The following CNBD1 variants were observed in gnomAD, a reference collection of about 807,000 sequenced individuals.
CNBD1 encodes cyclic nucleotide binding domain containing 1.
CNBD1 carries 71 observed loss-of-function variants against 54.4 expected under a neutral mutation model. The ratio of observed to expected loss-of-function variants is 1.30; its 90% CI spans 1.08 to 1.59. The LOEUF (loss-of-function observed/expected upper bound fraction) is 1.59, where lower values mean the gene tolerates loss of function less well. CNBD1 is among the 40% of genes most tolerant of loss of function. The probability of loss-of-function intolerance (pLI) is 0.00; values close to 1 mark genes in which losing one functional copy is unlikely to be tolerated. For missense variants in CNBD1, 659 were observed against 518.0 expected (o/e 1.27, Z -2.64); for synonymous variants, 182 against 170.7 (o/e 1.07, Z -0.51).
chr8:87,405,314 T>A (rs920772831), intron 2 of CNBD1, among the ~76,000 whole-genome samples: 2 of 152,092 alleles, frequency 1.3e-5, no homozygotes, highest in African/African-American at 4.8e-5. Flanking sequence ...TATTTCACCT[T>A]GTGGATTAGA....
At chr8:87,256,010 T>C (rs1808012212) in intron 6 of CNBD1, among the ~76,000 whole-genome samples, 2 of 20,826 alleles carry the variant, frequency 9.6e-5, no homozygotes, top group Non-Finnish European at 1.5e-4. Flanking sequence ...TATATATATA[T>C]ATATATTTTT....
chr8:86,956,263 A>C (rs1302740403), intron 4 of CNBD1, among the ~76,000 whole-genome samples: 1 of 151,980 alleles, frequency 6.6e-6, no homozygotes. Context: ...GTCAGGTAGC[A>C]TGATGCCTCC....
At chr8:87,358,805 G>T (rs573872393) in intron 10 of CNBD1, among the ~76,000 whole-genome samples, 1 of 152,262 alleles carries the variant, frequency 6.6e-6, no homozygotes, top group East Asian at 1.9e-4. Context: ...GGAGGCAGTT[G>T]TATTAAGTCC....
chr8:87,219,851 C>T (rs1194272061), intron 5 of CNBD1, among the ~76,000 whole-genome samples: 1 of 151,734 alleles, frequency 6.6e-6, no homozygotes, highest in Non-Finnish European at 1.5e-5. Context: ...TTTTGGGTAC[C>T]CTTCACATAC....
chr8:87,141,940 T>C (rs1351971028), intron 4 of CNBD1, among the ~76,000 whole-genome samples: 1 of 152,158 alleles, frequency 6.6e-6, no homozygotes, highest in African/African-American at 2.4e-5. Context: ...TTCTTTAAAA[T>C]TGGGTAGACT....
chr8:86,923,098 G>A (rs1482519353), intron 3 of CNBD1, among the ~76,000 whole-genome samples: 2 of 152,130 alleles, frequency 1.3e-5, no homozygotes, highest in Admixed American at 1.3e-4. Context: ...CACAAATAAG[G>A]TAACAAAGGA....
chr8:87,404,143 C>T (rs1440605162), intron 2 of CNBD1, among the ~76,000 whole-genome samples: 1 of 151,990 alleles, frequency 6.6e-6, no homozygotes, highest in South Asian at 2.1e-4. Context: ...AGGGGAGAAA[C>T]TCAGATGGAA....
chr8:87,294,252 G>A (rs914014948), intron 8 of CNBD1, among the ~76,000 whole-genome samples: 6 of 152,080 alleles, frequency 3.9e-5, no homozygotes, highest in Non-Finnish European at 7.4e-5. Flanking sequence ...TCATTATTTG[G>A]GAGTATTGTA....
chr8:87,077,274 G>A (rs1810891067), intron 4 of CNBD1, among the ~76,000 whole-genome samples: 1 of 152,102 alleles, frequency 6.6e-6, no homozygotes, highest in South Asian at 2.1e-4. Context: ...GAGATTTAAA[G>A]TCCTAGGTCG....
chr8:87,127,545 A>AT (rs200398190), intron 4 of CNBD1, among the ~76,000 whole-genome samples: 2,525 of 152,066 alleles, frequency 0.017, 70 homozygotes, highest in African/African-American at 0.058. Context: ...ATTCCAGTGG[A>AT]TTTTTTCATA....
At chr8:87,069,715 C>A (rs919262666) in intron 4 of CNBD1, among the ~76,000 whole-genome samples, 1 of 152,080 alleles carries the variant, frequency 6.6e-6, no homozygotes, top group African/African-American at 2.4e-5. Flanking sequence ...AGTTGCCATT[C>A]TTGCTCCACC....
intron 4 of CNBD1, among the ~76,000 whole-genome samples, chr8:87,018,596 A>T (rs990777706): frequency 2.6e-5 from 4 of 152,170 alleles, no homozygotes; most frequent in Admixed American, 1.3e-4. Context: ...AATTACTATT[A>T]TAGCTGTCAA....
chr8:87,217,567 A>G (rs1468860951), intron 5 of CNBD1, among the ~76,000 whole-genome samples: 1 of 117,718 alleles, frequency 8.5e-6, no homozygotes, highest in Non-Finnish European at 1.9e-5. Flanking sequence ...GATATTTTTT[A>G]TTAAGCTTTT....
In CNBD1 at chr8:87,279,584, C is replaced by A. The variant is rs189552147; in HGVS notation, c.772-5094C>A. Among the ~76,000 whole-genome samples the A allele has an allele frequency of 3.3e-3, 502 of 151,066 alleles. 2 individuals are homozygous for A. Among genetic ancestry groups the A allele is most frequent in the African/African-American group, 0.012 (482 of 41,342 alleles). Reference sequence around the variant, plus strand: ...GCCAAAGTAGCTGTACTATAGTAGGCAAAGTAGATTTTATTGCAAGAGCAT... The same window carrying A: ...GCCAAAGTAGCTGTACTATAGTAGGAAAAGTAGATTTTATTGCAAGAGCAT... On this transcript the variant is annotated intron_variant, in intron 6 of 10. Transcript: ENST00000518476.
chr8:86,987,227 C>T (rs1808629041), intron 4 of CNBD1, among the ~76,000 whole-genome samples: 2 of 152,066 alleles, frequency 1.3e-5, no homozygotes, highest in African/African-American at 4.8e-5. Context: ...CTTTTACATC[C>T]TTGGTTAGCT....
chr8:86,996,736 C>CTA (rs1808878860), intron 4 of CNBD1, among the ~76,000 whole-genome samples: 1 of 152,180 alleles, frequency 6.6e-6, no homozygotes, highest in African/African-American at 2.4e-5. Context: ...GTTTAAACAA[C>CTA]TATGTATTTA....
intron 4 of CNBD1, among the ~76,000 whole-genome samples, chr8:86,941,420 T>C (rs987381382): frequency 9.9e-5 from 15 of 152,222 alleles, no homozygotes; most frequent in Non-Finnish European, 1.9e-4. Context: ...TGATTAATAT[T>C]GCATCAGATT....
chr8:87,398,461 G>C (rs1490601333), intron 2 of CNBD1, among the ~76,000 whole-genome samples: 2 of 151,922 alleles, frequency 1.3e-5, no homozygotes, highest in Non-Finnish European at 2.9e-5. Context: ...TGCTGTGTGT[G>C]TGCCTGTTTG....
At position 87,279,338 on chromosome 8, in the gene CNBD1, C is replaced by T. The variant is rs1310793703; in HGVS notation, c.772-5340C>T. Among the ~76,000 whole-genome samples the T allele has an allele frequency of 2.6e-5, 4 of 151,164 alleles. No homozygotes were observed. The East Asian group carries it at 7.8e-4, about 29-fold the overall frequency. On this transcript the variant is annotated intron_variant, in intron 6 of 10. Coordinates refer to ENST00000518476, the MANE Select transcript of CNBD1 (RefSeq NM_173538.3). ...AATATTTGATTAGCTCAAAATTTAGCAATAAGTAGGAAATGACACAAAGAA... is the reference window on the plus strand; with the variant it reads ...AATATTTGATTAGCTCAAAATTTAGTAATAAGTAGGAAATGACACAAAGAA...
Sources: allele counts gnomAD v4.1 joint callset (sites outside exome capture counted in the v4.1 genomes callset), GRCh38; gene constraint gnomAD v4.1.1; transcripts MANE v1.5; gene names NCBI Gene and HGNC (gene_info 2026-07-23, HGNC 2026-07-21).